The following CSGALNACT2 variants were observed in gnomAD, a reference collection of about 807,000 sequenced individuals.
The protein encoded by CSGALNACT2 is chondroitin sulfate N-acetylgalactosaminyltransferase 2.
In CSGALNACT2, 35 loss-of-function variants were observed where a neutral mutation model predicts 55.3. That is an observed-to-expected ratio of 0.63 (90% CI 0.48 to 0.84). The LOEUF is 0.84. Among genes scored for constraint, CSGALNACT2 ranks in the 40% least tolerant of loss-of-function variants. CSGALNACT2 has a pLI of 0.00. For synonymous variants in CSGALNACT2, 196 were observed against 224.9 expected (o/e 0.87, Z 1.15); for missense variants, 544 against 657.5 (o/e 0.83, Z 1.89).
At chr10:43,152,732 G>C (rs1838903404) in intron 1 of CSGALNACT2, among the ~76,000 whole-genome samples, 1 of 152,100 alleles carries the variant, frequency 6.6e-6, no homozygotes, top group South Asian at 2.1e-4. Context: ...CTTCAGTTTT[G>C]AGTATAACAT....
intron 1 of CSGALNACT2, among the ~76,000 whole-genome samples, chr10:43,153,268 G>A (rs1838918369): frequency 6.8e-6 from 1 of 147,412 alleles, no homozygotes; most frequent in African/African-American, 2.5e-5. Flanking sequence ...CCAGGAGGCG[G>A]AGCTTGCAGC....
At position 43,159,305 on chromosome 10, in the gene CSGALNACT2, A is replaced by T. The variant is rs567959442; in HGVS notation, c.878+374A>T. Among the ~76,000 whole-genome samples, 173 of 147,972 alleles carry T rather than the reference A, an allele frequency of 1.2e-3. 1 individual carries two copies. The highest frequency in any genetic ancestry group is 7.1e-3 in the East Asian group (36 of 5,082). ...GTATCATGACTCTTTTTTTATTTTTATTTTTTTTTTTGAGACAGGGTCTCA... is the reference window on the plus strand; with the variant it reads ...GTATCATGACTCTTTTTTTATTTTTTTTTTTTTTTTTGAGACAGGGTCTCA... On this transcript the variant is annotated intron_variant, in intron 3 of 7. Coordinates refer to ENST00000374466, the MANE Select transcript of CSGALNACT2 (RefSeq NM_018590.5).
chr10:43,173,015 C>A (rs1839412757), intron 6 of CSGALNACT2, among the ~76,000 whole-genome samples: 1 of 152,162 alleles, frequency 6.6e-6, no homozygotes, highest in African/African-American at 2.4e-5. Context: ...CTTGTTCAGC[C>A]TCTGGAAGGC....
At chr10:43,160,834 G>A (rs759594486) in intron 4 of CSGALNACT2, among the ~76,000 whole-genome samples, 8 of 152,092 alleles carry the variant, frequency 5.3e-5, no homozygotes, top group Non-Finnish European at 8.8e-5. Flanking sequence ...CTCACCTTCT[G>A]TGTATTTGCT....
intron 6 of CSGALNACT2, among the ~76,000 whole-genome samples, chr10:43,167,987 TAAAGTAGAC>T (rs1217385116): frequency 9.8e-5 from 3 of 30,650 alleles, no homozygotes; most frequent in African/African-American, 1.7e-4. Flanking sequence ...AATTTAATCA[TAAAGTAGAC>T]AGATTTCAGG....
intron 4 of CSGALNACT2, chr10:43,162,448 G>A: frequency 2.0e-6 from 2 of 985,408 alleles, no homozygotes; most frequent in South Asian, 9.4e-5. Flanking sequence ...AGAGAGTGAG[G>A]GGTATTCTGT....
In CSGALNACT2 at chr10:43,163,978, T is replaced by G. The variant is rs1564516449; in HGVS notation, c.1093T>G (p.Phe365Val). 6.2e-7 allele frequency: 1 copy of G among 1,614,188 alleles called. No homozygotes were observed. The highest frequency in any genetic ancestry group is 1.7e-5 in the Admixed American group (1 of 60,014). ...AWDKGEVLMF[F>V]CDVDIYFSAE... ...GGACAAGGGAGAGGTCTTGATGTTTTTCTGTGATGTTGATATCTATTTCTC... is the reference window on the plus strand; with the variant it reads ...GGACAAGGGAGAGGTCTTGATGTTTGTCTGTGATGTTGATATCTATTTCTC... Residue 365 changes from phenylalanine to valine, a missense_variant, in exon 5 of 8, where the codon TTC becomes GTC. This residue lies in a region of CSGALNACT2 where 170 missense variants were observed against 256.2 expected (regional missense o/e 0.66). Coordinates refer to ENST00000374466, the MANE Select transcript of CSGALNACT2 (RefSeq NM_018590.5).
At chr10:43,139,890 G>C (rs958331531) in intron 1 of CSGALNACT2, among the ~76,000 whole-genome samples, 1 of 152,204 alleles carries the variant, frequency 6.6e-6, no homozygotes, top group African/African-American at 2.4e-5. Flanking sequence ...TATATGATGT[G>C]TTTTGGATAT....
chr10:43,153,346 G>A (rs1437237700), intron 1 of CSGALNACT2, among the ~76,000 whole-genome samples: 1 of 50,032 alleles, frequency 2.0e-5, no homozygotes, highest in African/African-American at 1.0e-4. Flanking sequence ...AAAAAAAAAG[G>A]ACTCCCTTGT....
chr10:43,174,431 C>T (rs778878784), intron 6 of CSGALNACT2, among the ~76,000 whole-genome samples: 19 of 152,160 alleles, frequency 1.2e-4, no homozygotes, highest in African/African-American at 4.3e-4. Flanking sequence ...ACAGATCACT[C>T]AGATTCATTA....
intron 6 of CSGALNACT2, among the ~76,000 whole-genome samples, chr10:43,174,694 A>G (rs1839445754): frequency 3.9e-5 from 6 of 152,136 alleles, no homozygotes; most frequent in Admixed American, 3.9e-4. Flanking sequence ...AGTAGCACAC[A>G]CTAGACTAGC....
chr10:43,159,304 TA>T (rs1447609697), intron 3 of CSGALNACT2, among the ~76,000 whole-genome samples: 3 of 151,294 alleles, frequency 2.0e-5, no homozygotes, highest in Non-Finnish European at 4.4e-5. Flanking sequence ...TTTTTATTTT[TA>T]TTTTTTTTTT....
rs150704499 is a variant in CSGALNACT2, at chr10:43,158,558, T to C, written c.662-157T>C. ...TAACCTTTTCTTTTAAGCGAGTAAT[T>C]GTTACTGTGCAGTGGGGATAAGTAT... On this transcript the variant is annotated intron_variant, in intron 2 of 7. Coordinates refer to ENST00000374466, the MANE Select transcript of CSGALNACT2 (RefSeq NM_018590.5). 1.4e-3 allele frequency among the ~76,000 whole-genome samples: 207 copies of C among 152,326 alleles called. 1 individual carries two copies. Among genetic ancestry groups the C allele is most frequent in the African/African-American group, 4.8e-3 (198 of 41,564 alleles).
Position 43,157,241 on chromosome 10 carries a change from T to G in CSGALNACT2, c.661+1431T>G, listed in dbSNP as rs150169593. Among the ~76,000 whole-genome samples, 121 of 152,334 alleles carry G rather than the reference T, an allele frequency of 7.9e-4. 1 individual carries two copies. In the East Asian group the frequency reaches 0.018, roughly 22 times the overall value. ...GTAACATGTGTAAAATGTCCTCACA[T>G]CAGCTCTACCTAAAAAGAAAGGGAG... On this transcript the variant is annotated intron_variant, in intron 2 of 7. Coordinates refer to ENST00000374466, the MANE Select transcript of CSGALNACT2 (RefSeq NM_018590.5).
intron 1 of CSGALNACT2, among the ~76,000 whole-genome samples, chr10:43,141,364 C>T (rs948506122): frequency 3.3e-5 from 5 of 150,656 alleles, no homozygotes; most frequent in African/African-American, 1.2e-4. Context: ...ACTACAGGCG[C>T]CCGCCACCAT....
rs773759812 is a variant in CSGALNACT2 at position 43,155,373 on chromosome 10, T to C, written c.224T>C (p.Leu75Pro). 1 of 1,614,176 alleles carries C rather than the reference T, an allele frequency of 6.2e-7. No homozygotes were observed. ...EEHYQTRATS[L>P]KRQIAQLKQE... ...CATTATCAGACCAGGGCAACCAGTC[T>C]GAAACGCCAAATTGCCCAACTAAAA... Residue 75 changes from leucine (L) to proline (P), a missense_variant, in exon 2 of 8, where the codon CTG (leucine) becomes CCG (proline). By Grantham distance (98) the Leu-to-Pro change is moderately conservative. Coordinates refer to ENST00000374466, the MANE Select transcript of CSGALNACT2 (RefSeq NM_018590.5).
chr10:43,147,734 A>G (rs907078447), intron 1 of CSGALNACT2, among the ~76,000 whole-genome samples: 4 of 143,940 alleles, frequency 2.8e-5, no homozygotes, highest in African/African-American at 1.0e-4. Context: ...CCATTTATAT[A>G]TCTTCTTTAG....
chr10:43,140,181 A>C (rs1363533144), intron 1 of CSGALNACT2, among the ~76,000 whole-genome samples: 8 of 152,172 alleles, frequency 5.3e-5, no homozygotes, highest in Non-Finnish European at 2.9e-5. Context: ...TCTCAAAAAG[A>C]AAAGAAAAAA....
At chr10:43,175,799 G>A (rs570426393) in intron 6 of CSGALNACT2, 152 bp from the exon 7 acceptor site, 1 of 682,888 alleles carries the variant, frequency 1.5e-6, no homozygotes, top group South Asian at 1.8e-5. Flanking sequence ...TGTTTTGTAA[G>A]GATTTAATAA....
Sources: gnomAD v4.1 joint callset for allele counts (sites outside exome capture counted in the v4.1 genomes callset) on GRCh38, gnomAD v4.1.1 for gene constraint, gnomAD v4.1.1 regional missense constraint, MANE v1.5 for transcripts, NCBI Gene and HGNC (gene_info 2026-07-23, HGNC 2026-07-21) for gene names.